The following ASIC2 variants were observed in gnomAD, a reference collection of about 807,000 sequenced individuals.
The protein encoded by ASIC2 is acid-sensing ion channel 2.
In ASIC2, 25 loss-of-function variants were observed where a neutral mutation model predicts 57.3. The ratio of observed to expected loss-of-function variants is 0.44; its 90% CI spans 0.32 to 0.61. The LOEUF (loss-of-function observed/expected upper bound fraction) is 0.61, where lower values mean the gene tolerates loss of function less well. Ranked by LOEUF, ASIC2 falls within the 20% of genes least tolerant of loss-of-function variation. The pLI is 0.06. For synonymous variants in ASIC2, 319 were observed against 307.5 expected, an observed-to-expected ratio of 1.04 and a Z score of -0.39; for missense variants, 641 against 738.1, an observed-to-expected ratio of 0.87 and a Z score of 1.52.
chr17:33,250,927 A>T (rs1908859689), intron 1 of ASIC2, among the ~76,000 whole-genome samples: 1 of 152,266 alleles, frequency 6.6e-6, no homozygotes. Flanking sequence ...TATTTCAAAC[A>T]GTTATGTGCA....
chr17:33,802,815 C>A (rs1359871589), intron 1 of ASIC2, among the ~76,000 whole-genome samples: 1 of 152,232 alleles, frequency 6.6e-6, no homozygotes, highest in Non-Finnish European at 1.5e-5. Flanking sequence ...ATTGCTCCTG[C>A]CAACCTTCCC....
rs991733549 is a variant in ASIC2, at chr17:33,392,213, T to G, written c.556-280146A>C. On this transcript the variant is annotated intron_variant, in intron 1 of 9. Transcript: ENST00000359872. The stretch of plus-strand genomic sequence containing the variant: ...TTCCTTCCCTCCTTCCTTCCTTCCT[T>G]CCTTCCTTCCTTCCTTCCTTCCTTC... Among the ~76,000 whole-genome samples the G allele has an allele frequency of 1.0e-4, 15 of 148,770 alleles. No individual in the cohort carries two copies. In the East Asian group the frequency reaches 3.0e-3, roughly 30 times the overall value.
At chr17:34,008,629 T>A (rs542362733) in intron 1 of ASIC2, among the ~76,000 whole-genome samples, 7 of 151,378 alleles carry the variant, frequency 4.6e-5, no homozygotes, top group African/African-American at 1.7e-4. Context: ...GCCTGAGGAG[T>A]CATACATATC....
chr17:34,054,051 T>C (rs767376828), intron 1 of ASIC2, among the ~76,000 whole-genome samples: 1 of 152,246 alleles, frequency 6.6e-6, no homozygotes, highest in Non-Finnish European at 1.5e-5. Flanking sequence ...GAGTCATAAG[T>C]ACCGCAAACC....
intron 1 of ASIC2, among the ~76,000 whole-genome samples, chr17:33,420,708 T>C (rs1311711195): frequency 6.6e-6 from 1 of 152,172 alleles, no homozygotes; most frequent in Non-Finnish European, 1.5e-5. Context: ...TTTGTAGCAT[T>C]TGCCTATTTC....
At chr17:33,464,496 CT>C (rs1567620932) in intron 1 of ASIC2, among the ~76,000 whole-genome samples, 1 of 38,426 alleles carries the variant, frequency 2.6e-5, no homozygotes, top group Non-Finnish European at 5.5e-5. Context: ...TTCTTTCTTT[CT>C]TTCTTTCTTT....
intron 1 of ASIC2, among the ~76,000 whole-genome samples, chr17:33,119,272 C>T (rs149137340): frequency 1.1e-3 from 164 of 152,278 alleles, no homozygotes; most frequent in African/African-American, 3.4e-3. Flanking sequence ...CTCCAAAATG[C>T]CTCTAAAACT....
In ASIC2 at chr17:33,946,329, G is replaced by A. The variant is rs550299165; in HGVS notation, c.555+209649C>T. 2.0e-5 allele frequency among the ~76,000 whole-genome samples: 3 copies of A among 152,280 alleles called. No homozygotes were observed. The South Asian group carries it at 6.2e-4, about 32-fold the overall frequency. ...ACAGGTTGTTGGGTCTGGGGGGCCC[G>A]AGGCTGGAGGGAAATCACAGTGCCC... On this transcript the variant is annotated intron_variant, in intron 1 of 9. Coordinates refer to the ASIC2 transcript ENST00000359872.
At chr17:34,061,967 T>G (rs2142061324) in intron 1 of ASIC2, among the ~76,000 whole-genome samples, 1 of 152,230 alleles carries the variant, frequency 6.6e-6, no homozygotes. Context: ...AGACAGGTCA[T>G]CAAGACAGAA....
At chr17:33,573,393 G>T (rs979286726) in intron 1 of ASIC2, among the ~76,000 whole-genome samples, 2 of 152,000 alleles carry the variant, frequency 1.3e-5, no homozygotes, top group Non-Finnish European at 2.9e-5. Flanking sequence ...TACAACAGAA[G>T]GCCTCTGTGT....
chr17:33,490,160 C>T (rs1013376269), intron 1 of ASIC2, among the ~76,000 whole-genome samples: 1 of 151,716 alleles, frequency 6.6e-6, no homozygotes, highest in Non-Finnish European at 1.5e-5. Context: ...TGGTGACTTT[C>T]ACATTATAAG....
At chr17:33,032,559 C>T (rs888460101) in intron 3 of ASIC2, among the ~76,000 whole-genome samples, 3 of 148,138 alleles carry the variant, frequency 2.0e-5, no homozygotes, top group Non-Finnish European at 3.0e-5. Context: ...AGCAATTCTC[C>T]AGCCTCAGCC....
intron 1 of ASIC2, among the ~76,000 whole-genome samples, chr17:33,684,331 G>T (rs3103652): frequency 0.48 from 73,534 of 151,780 alleles, 18,257 homozygotes; most frequent in Non-Finnish European, 0.54. Flanking sequence ...GTGGGGAGGG[G>T]GGTGCTCTTC....
At chr17:33,474,949 A>C (rs1913171417) in intron 1 of ASIC2, among the ~76,000 whole-genome samples, 1 of 152,152 alleles carries the variant, frequency 6.6e-6, no homozygotes. Flanking sequence ...CTCCAATTCA[A>C]AGGGCTGGAG....
chr17:34,021,492 C>G (rs1274631615), intron 1 of ASIC2, among the ~76,000 whole-genome samples: 1 of 152,180 alleles, frequency 6.6e-6, no homozygotes, highest in Non-Finnish European at 1.5e-5. Flanking sequence ...GCTCTGGAAT[C>G]TCAGCCCCCA....
chr17:33,552,614 G>T (rs574033596), intron 1 of ASIC2, among the ~76,000 whole-genome samples: 1 of 152,354 alleles, frequency 6.6e-6, no homozygotes, highest in South Asian at 2.1e-4. Flanking sequence ...TGCCATGAGT[G>T]AGGGTGAGAC....
At chr17:33,813,693 C>T (rs1912494097) in intron 1 of ASIC2, among the ~76,000 whole-genome samples, 1 of 152,228 alleles carries the variant, frequency 6.6e-6, no homozygotes, top group Non-Finnish European at 1.5e-5. Flanking sequence ...GCCTGGGCCT[C>T]CCAAAGTCCT....
chr17:33,219,140 T>C (rs1435764575), intron 1 of ASIC2, among the ~76,000 whole-genome samples: 1 of 152,140 alleles, frequency 6.6e-6, no homozygotes, highest in Non-Finnish European at 1.5e-5. Context: ...AAGCTTAGAA[T>C]GTCACCTTCT....
intron 1 of ASIC2, among the ~76,000 whole-genome samples, chr17:33,264,417 G>A (rs1040931016): frequency 6.6e-6 from 1 of 152,240 alleles, no homozygotes; most frequent in Non-Finnish European, 1.5e-5. Context: ...TCATTTTACA[G>A]ATGAGAAAAC....
Sources: gnomAD v4.1 joint callset for allele counts (sites outside exome capture counted in the v4.1 genomes callset) on GRCh38, gnomAD v4.1.1 for gene constraint, MANE v1.5 for transcripts, NCBI Gene and HGNC (gene_info 2026-07-23, HGNC 2026-07-21) for gene names.